FXR2: variants seen among roughly 807,000 people sequenced by gnomAD.
FXR2 encodes FMR1 autosomal homolog 2, also known as RNA-binding protein FXR2.
In FXR2, 9 loss-of-function variants were observed where a neutral mutation model predicts 87.3. That is an observed-to-expected ratio of 0.10 (90% confidence interval 0.06 to 0.18). The LOEUF (loss-of-function observed/expected upper bound fraction) is 0.18, where lower values mean the gene tolerates loss of function less well. Ranked by LOEUF, FXR2 falls within the 10% of genes least tolerant of loss-of-function variation. The pLI, the probability that FXR2 is intolerant of heterozygous loss-of-function variation, is 1.00. For missense variants in FXR2, 661 were observed against 893.6 expected (o/e 0.74, Z 3.32); for synonymous variants, 331 against 328.3 (o/e 1.01, Z -0.09).
intron 3 of FXR2, among the ~76,000 whole-genome samples, chr17:7,604,527 A>C (rs1489180457): frequency 6.6e-6 from 1 of 151,758 alleles, no homozygotes; most frequent in Non-Finnish European, 1.5e-5. Flanking sequence ...CCCCACCTCT[A>C]CTAAAAATAC....
At chr17:7,602,760 C>A in intron 6 of FXR2, 149 bp downstream of exon 6, 1 of 557,576 alleles carries the variant, frequency 1.8e-6, no homozygotes, top group African/African-American at 1.9e-5. Context: ...GTAGGGCTAC[C>A]TGGGCCTGTA....
At position 7,594,871 on chromosome 17, in the gene FXR2, C is replaced by T. The variant is rs2071695005; in HGVS notation, c.832-114G>A. The T allele has an allele frequency of 2.7e-6, 2 of 731,454 alleles. No individual in the cohort carries two copies. Among genetic ancestry groups the T allele is most frequent in the Admixed American group, 3.9e-5 (2 of 50,656 alleles). The allele number at this position is 731,454 out of a possible 1,614,324, so 45.3% of individuals were successfully genotyped here. On this transcript the variant is annotated intron_variant, in intron 8 of 16. Transcript: ENST00000250113. The surrounding 1 kb of genome is among the most constrained non-coding windows in gnomAD (Gnocchi z 5.1). The stretch of plus-strand genomic sequence containing the variant: ...GCTGGAGGCAGGTGGATAAATTGAG[C>T]TCAAGAGTTCAAGACTAGCCTGGGC...
Position 7,594,866 on chromosome 17 carries a change from T to C in FXR2, c.832-109A>G, listed in dbSNP as rs548780096. On this transcript the variant is annotated intron_variant, in intron 8 of 16. Transcript: ENST00000250113. The surrounding 1 kb of genome is among the most constrained non-coding windows in gnomAD (Gnocchi z 5.1). ...GGGAGGCTGGAGGCAGGTGGATAAA[T>C]TGAGCTCAAGAGTTCAAGACTAGCC... 1.3e-6 allele frequency: 1 copy of C among 750,574 alleles called. No homozygotes were observed. The highest frequency in any genetic ancestry group is 1.7e-5 in the African/African-American group (1 of 58,170). 46.5% of individuals were successfully genotyped at this position (750,574 alleles called of 1,614,324 possible). A position where few individuals can be genotyped will look rare whatever the true frequency, so the allele number is the denominator to read the frequency against.
intron 5 of FXR2, 84 bp from the exon 6 acceptor site, chr17:7,603,086 C>A: frequency 2.9e-6 from 2 of 699,694 alleles, no homozygotes; most frequent in East Asian, 5.4e-5. Flanking sequence ...GTGGTTTGCA[C>A]CTGTAATCCT....
Position 7,591,631 on chromosome 17 carries a change from G to A in FXR2, c.*199C>T, listed in dbSNP as rs1210818532. ...AGAGGCTCCCCTTACCCTGGGGGTA[G>A]GGTGGACAAGAGGGAGGGGGTATGA... On this transcript the variant is annotated 3_prime_UTR_variant, in exon 17 of 17. Coordinates refer to ENST00000250113, the MANE Select transcript of FXR2 (RefSeq NM_004860.4). This position sits in a 1 kb window ranked among gnomAD's most constrained non-coding sequence, Gnocchi z 4.0. The A allele has an allele frequency of 1.7e-6, 1 of 594,938 alleles. No homozygotes were observed. The highest frequency in any genetic ancestry group is 3.0e-6 in the Non-Finnish European group (1 of 330,382). The allele number at this position is 594,938 out of a possible 1,614,324, so 36.9% of individuals were successfully genotyped here.
chr17:7,604,759 G>C (rs557788049), intron 3 of FXR2, among the ~76,000 whole-genome samples: 1 of 148,168 alleles, frequency 6.7e-6, no homozygotes, highest in East Asian at 2.1e-4. Flanking sequence ...TTCGCTCTTG[G>C]TGCTCAGGCT....
intron 1 of FXR2, among the ~76,000 whole-genome samples, chr17:7,607,318 CA>C (rs780175985): frequency 3.2e-3 from 377 of 118,350 alleles, no homozygotes; most frequent in Admixed American, 4.7e-3. Flanking sequence ...AACTCCATCT[CA>C]AAAAAAAAAA....
chr17:7,614,426 C>G, intron 1 of FXR2, 26 bp downstream of exon 1: 1 of 1,493,684 alleles, frequency 6.7e-7, no homozygotes, highest in Non-Finnish European at 9.0e-7. Context: ...TAAGGACCGG[C>G]GTCCCCAGTC....
At chr17:7,607,692 G>C (rs1048777225) in intron 1 of FXR2, among the ~76,000 whole-genome samples, 1 of 152,026 alleles carries the variant, frequency 6.6e-6, no homozygotes, top group Admixed American at 6.6e-5. Context: ...GCCTCCCAAA[G>C]CTGGAATTAA....
chr17:7,604,217 T>C (rs1020962628), intron 3 of FXR2, 137 bp from the exon 4 acceptor site: 1 of 668,808 alleles, frequency 1.5e-6, no homozygotes, highest in African/African-American at 1.8e-5. Flanking sequence ...GGACTGCTTA[T>C]GCCCAGGAGT....
At chr17:7,603,713 G>A in intron 5 of FXR2, 44 bp downstream of exon 5, 2 of 1,593,326 alleles carry the variant, frequency 1.3e-6, no homozygotes, top group Non-Finnish European at 8.6e-7. Flanking sequence ...CCAGAGATTA[G>A]GGCTGTAAAG....
chr17:7,609,899 C>CATGTATATAT (rs1567753655), intron 1 of FXR2, among the ~76,000 whole-genome samples: 1 of 137,312 alleles, frequency 7.3e-6, no homozygotes, highest in African/African-American at 2.8e-5. Context: ...TATATATACA[C>CATGTATATAT]ATACATATAT....
At chr17:7,603,371 T>C (rs540495394) in intron 5 of FXR2, among the ~76,000 whole-genome samples, 21 of 150,766 alleles carry the variant, frequency 1.4e-4, no homozygotes, top group African/African-American at 4.9e-4. Context: ...CTACTAAAAA[T>C]ACAAAATTAG....
At position 7,592,715 on chromosome 17, in the gene FXR2, T is replaced by C; in HGVS notation, c.1708A>G (p.Asn570Asp). The C allele has an allele frequency of 6.2e-7, 1 of 1,613,556 alleles. No homozygotes were observed. Among genetic ancestry groups the C allele is most frequent in the South Asian group, 1.1e-5 (1 of 91,058 alleles). Residue 570 changes from asparagine to aspartate, a missense_variant, in exon 14 of 17, where the codon AAC (asparagine) becomes GAC (aspartate). Physicochemically the swap from Asn to Asp is conservative, Grantham distance 23. This residue lies in a region of FXR2 where 409 missense variants were observed against 432.0 expected (regional missense o/e 0.95). Coordinates refer to ENST00000250113, the MANE Select transcript of FXR2 (RefSeq NM_004860.4). This position sits in a 1 kb window ranked among gnomAD's most constrained non-coding sequence, Gnocchi z 4.8. Reference protein sequence around the residue: ...MDGGLESDGPNMTENGLEDES... With the variant: ...MDGGLESDGPDMTENGLEDES... ...TCACCCAGGCCATTCTCTGTCATGT[T>C]GGGCCCATCTGATTCCAGGCCTCCA... is the stretch of plus-strand genomic sequence containing the variant.
intron 1 of FXR2, among the ~76,000 whole-genome samples, chr17:7,612,069 G>A (rs1487008016): frequency 6.6e-6 from 1 of 152,220 alleles, no homozygotes; most frequent in East Asian, 1.9e-4. Context: ...AAGATTCAGA[G>A]AGACTTTCTG....
rs1420991875 is a variant in FXR2 at position 7,591,795 on chromosome 17, C to T, written c.*35G>A. The T allele has an allele frequency of 1.8e-6, 2 of 1,100,628 alleles. No homozygotes were observed. The highest frequency in any genetic ancestry group is 1.2e-5 in the South Asian group (1 of 80,364). 68.2% of individuals were successfully genotyped at this position (1,100,628 alleles called of 1,614,324 possible). ...GAGGGCCATGGTGTTGGGCAGCAAG[C>T]GAGATGGAGAAGGGAGGGGTGCAGG... On this transcript the variant is annotated 3_prime_UTR_variant, in exon 17 of 17. Coordinates refer to ENST00000250113, the MANE Select transcript of FXR2 (RefSeq NM_004860.4). The surrounding 1 kb of genome is among the most constrained non-coding windows in gnomAD (Gnocchi z 4.0).
At chr17:7,599,227 G>C (rs1317063538) in intron 7 of FXR2, among the ~76,000 whole-genome samples, 1 of 151,482 alleles carries the variant, frequency 6.6e-6, no homozygotes, top group Non-Finnish European at 1.5e-5. Flanking sequence ...TGAGCTCGGG[G>C]GGTAGAGACT....
At chr17:7,597,471 C>G (rs1408448208) in intron 7 of FXR2, among the ~76,000 whole-genome samples, 1 of 151,328 alleles carries the variant, frequency 6.6e-6, no homozygotes, top group Non-Finnish European at 1.5e-5. Context: ...GCTTGCAGAA[C>G]AGCTGGGTTT....
intron 1 of FXR2, among the ~76,000 whole-genome samples, chr17:7,608,296 G>C (rs1158795764): frequency 6.6e-6 from 1 of 151,444 alleles, no homozygotes; most frequent in Non-Finnish European, 1.5e-5. Flanking sequence ...ACTGTCTGTT[G>C]AAGACTATCC....
Sources: allele counts gnomAD v4.1 joint callset (sites outside exome capture counted in the v4.1 genomes callset), GRCh38; gene constraint gnomAD v4.1.1; regional missense constraint gnomAD v4.1.1; non-coding constraint Gnocchi (gnomAD v3.1); transcripts MANE v1.5; gene names NCBI Gene and HGNC (gene_info 2026-07-23, HGNC 2026-07-21).